SRC: variants seen among roughly 807,000 people sequenced by gnomAD.
The protein encoded by SRC is SRC proto-oncogene, non-receptor tyrosine kinase.
Under a neutral mutation model 62.9 loss-of-function variants are expected in SRC, and 13 were observed. The ratio of observed to expected loss-of-function variants is 0.21; its 90% CI spans 0.13 to 0.33. The LOEUF (loss-of-function observed/expected upper bound fraction) is 0.33, where lower values mean the gene tolerates loss of function less well. SRC is among the 10% of genes least tolerant of loss of function. The pLI, the probability that SRC is intolerant of heterozygous loss-of-function variation, is 1.00. For missense variants in SRC, 457 were observed against 737.3 expected (o/e 0.62, Z 4.40); for synonymous variants, 302 against 317.5 (o/e 0.95, Z 0.52).
Position 37,386,279 on chromosome 20 carries a change from C to T in SRC, c.350+105C>T. The stretch of plus-strand genomic sequence containing the variant: ...CATCAGGGCAGCACAGTGCAGAGCC[C>T]AGGGCAGTGCGAAGCCCAGGGCAGT... On this transcript the variant is annotated intron_variant, in intron 5 of 13. Coordinates refer to ENST00000373578, the MANE Select transcript of SRC (RefSeq NM_198291.3). The T allele has an allele frequency of 2.6e-6, 3 of 1,146,338 alleles. No individual in the cohort carries two copies. The South Asian group carries it at 3.7e-5, about 14-fold the overall frequency. 71.0% of individuals were successfully genotyped at this position (1,146,338 alleles called of 1,614,324 possible).
intron 2 of SRC, among the ~76,000 whole-genome samples, chr20:37,370,990 CTTTT>C (rs200689108): frequency 1.2e-5 from 1 of 84,194 alleles, no homozygotes; most frequent in Non-Finnish European, 2.2e-5. Flanking sequence ...TCTTCTTCTT[CTTTT>C]TTTTTTTTTT....
chr20:37,348,616 T>C (rs2146880852), intron 1 of SRC, among the ~76,000 whole-genome samples: 1 of 152,076 alleles, frequency 6.6e-6, no homozygotes, highest in East Asian at 1.9e-4. Context: ...GAGAGGGAGC[T>C]CTTTTTTCCC....
intron 1 of SRC, among the ~76,000 whole-genome samples, chr20:37,363,503 C>T (rs2070010233): frequency 2.0e-5 from 3 of 152,184 alleles, no homozygotes; most frequent in Non-Finnish European, 4.4e-5. Flanking sequence ...TGGCTGGTAT[C>T]CTGGCTGTCT....
At chr20:37,394,137 G>A (rs1309790274) in intron 6 of SRC, 37 bp from the exon 7 acceptor site, 13 of 1,596,212 alleles carry the variant, frequency 8.1e-6, no homozygotes, top group Non-Finnish European at 8.6e-6. Context: ...GCAGAAGCCT[G>A]GACAGTCAGC....
chr20:37,389,250 A>G lies in SRC; in HGVS notation c.350+3076A>G, dbSNP rs368457610. On this transcript the variant is annotated intron_variant, in intron 5 of 13. Coordinates refer to ENST00000373578, the MANE Select transcript of SRC (RefSeq NM_198291.3). ...CCTCATCTGACATCCTAGTCTCAGG[A>G]GTCAGGGCCCCTCCTGGGTCTGACT... Among the ~76,000 whole-genome samples the G allele has an allele frequency of 3.2e-4, 48 of 152,182 alleles. No individual in the cohort carries two copies. The South Asian group carries it at 1.0e-2, about 32-fold the overall frequency.
chr20:37,385,079 C>T (rs2070432825), intron 4 of SRC, among the ~76,000 whole-genome samples: 1 of 152,230 alleles, frequency 6.6e-6, no homozygotes, highest in Non-Finnish European at 1.5e-5. Flanking sequence ...ACATCCCCAA[C>T]GCAGATGTAC....
At chr20:37,346,570 G>T (rs1461985636) in intron 1 of SRC, among the ~76,000 whole-genome samples, 1 of 151,434 alleles carries the variant, frequency 6.6e-6, no homozygotes, top group Non-Finnish European at 1.5e-5. Flanking sequence ...AGCGAGCTGG[G>T]CCCTAGCCCC....
intron 1 of SRC, among the ~76,000 whole-genome samples, chr20:37,355,215 C>T (rs760995704): frequency 1.3e-5 from 2 of 152,094 alleles, no homozygotes; most frequent in Non-Finnish European, 2.9e-5. Context: ...TTTGAAGCCT[C>T]GGGAGCAGCC....
rs150434121 is a variant in SRC at position 37,401,307 on chromosome 20, A to G, written c.1040-295A>G. 2.6e-3 allele frequency among the ~76,000 whole-genome samples: 400 copies of G among 152,146 alleles called. 3 individuals are homozygous for G. The highest frequency in any genetic ancestry group is 9.3e-3 in the African/African-American group (387 of 41,516). On this transcript the variant is annotated intron_variant, in intron 10 of 13. Transcript: ENST00000373578. ...CAGGAGCCACTGCTCCCGGCCTGAG[A>G]TGCATCCTTGTTGCATCTCCCAGCA...
chr20:37,388,697 T>C (rs1180111850), intron 5 of SRC, among the ~76,000 whole-genome samples: 1 of 151,988 alleles, frequency 6.6e-6, no homozygotes, highest in Non-Finnish European at 1.5e-5. Context: ...CAGTGAGCCA[T>C]GATCGTGCTA....
At position 37,398,853 on chromosome 20, in the gene SRC, G is replaced by A. The variant is rs1467753294; in HGVS notation, c.859+999G>A. Among the ~76,000 whole-genome samples the A allele has an allele frequency of 6.6e-6, 1 of 152,230 alleles. No individual in the cohort carries two copies. Among genetic ancestry groups the A allele is most frequent in the Non-Finnish European group, 1.5e-5 (1 of 68,036 alleles). Reference sequence around the variant, plus strand: ...ACTTCCTCCCTGGGTGCTCCAGGTCGACTCATGAAGTGCCACATGCAGATG... The same window carrying A: ...ACTTCCTCCCTGGGTGCTCCAGGTCAACTCATGAAGTGCCACATGCAGATG... On this transcript the variant is annotated intron_variant, in intron 9 of 13. Transcript: ENST00000373578. The surrounding 1 kb of genome is among the most constrained non-coding windows in gnomAD (Gnocchi z 5.2).
At chr20:37,376,377 C>T (rs2070278792) in intron 2 of SRC, among the ~76,000 whole-genome samples, 2 of 152,230 alleles carry the variant, frequency 1.3e-5, no homozygotes, top group African/African-American at 2.4e-5. Context: ...TGACATCACG[C>T]TTCCTCACAA....
Position 37,400,289 on chromosome 20 carries a change from G to A in SRC, c.1034G>A (p.Ser345Asn), listed in dbSNP as rs763438144. Residue 345 changes from serine (S) to asparagine (N), a missense_variant, in exon 10 of 14, where the codon AGC (serine) becomes AAC (asparagine). Coordinates refer to ENST00000373578, the MANE Select transcript of SRC (RefSeq NM_198291.3). ...ATTTACATCGTCACGGAGTACATGAGCAAGGGTGAGTCCTGGGCGGCCGGG... is the reference window on the plus strand; with the variant it reads ...ATTTACATCGTCACGGAGTACATGAACAAGGGTGAGTCCTGGGCGGCCGGG... ...EPIYIVTEYM[S>N]KGSLLDFLKG... The A allele has an allele frequency of 3.7e-6, 6 of 1,611,250 alleles. No individual in the cohort carries two copies. In the African/African-American group the frequency reaches 4.0e-5, roughly 11 times the overall value.
In SRC at chr20:37,396,339, G is replaced by A. The variant is rs372678766; in HGVS notation, c.703+28G>A. The A allele has an allele frequency of 4.8e-5, 78 of 1,610,224 alleles. No individual in the cohort carries two copies. The highest frequency in any genetic ancestry group is 1.7e-4 in the Middle Eastern group (1 of 6,004). On this transcript the variant is annotated intron_variant, in intron 8 of 13. Coordinates refer to ENST00000373578, the MANE Select transcript of SRC (RefSeq NM_198291.3). This position sits in a 1 kb window ranked among gnomAD's most constrained non-coding sequence, Gnocchi z 6.1. Reference sequence around the variant, plus strand: ...GAGCCAGCCTCGGAGGGCGGAGGGCGGGCGGGCAAAGCCTCAGCTGCAGAC... The same window carrying A: ...GAGCCAGCCTCGGAGGGCGGAGGGCAGGCGGGCAAAGCCTCAGCTGCAGAC...
At chr20:37,371,050 G>A (rs1252316630) in intron 2 of SRC, among the ~76,000 whole-genome samples, 4 of 147,942 alleles carry the variant, frequency 2.7e-5, no homozygotes, top group Non-Finnish European at 4.4e-5. Context: ...GTGCAATGGC[G>A]CCATCTCGGC....
intron 1 of SRC, among the ~76,000 whole-genome samples, chr20:37,356,318 G>T (rs992535700): frequency 5.9e-5 from 9 of 152,232 alleles, no homozygotes; most frequent in Non-Finnish European, 5.9e-5. Flanking sequence ...AATGGGTAGA[G>T]GGCCTGGGGG....
chr20:37,400,320 G>A (rs2070719101), intron 10 of SRC, 26 bp downstream of exon 10: 24 of 1,585,708 alleles, frequency 1.5e-5, no homozygotes, highest in Non-Finnish European at 2.1e-5. Context: ...CCGGGGCAGG[G>A]GGCAGGGGCA....
chr20:37,398,158 AT>A lies in SRC; in HGVS notation c.859+305del, dbSNP rs2070686385. Among the ~76,000 whole-genome samples the A allele has an allele frequency of 6.6e-6, 1 of 152,158 alleles. No homozygotes were observed. Among genetic ancestry groups the A allele is most frequent in the South Asian group, 2.1e-4 (1 of 4,826 alleles). ...AGAGCCTCAGTCTTCCCGACTGTGA[AT>A]GGGGCTGGTGACAGTGGGACCTATG... On this transcript the variant is annotated intron_variant, in intron 9 of 13. Transcript: ENST00000373578. The surrounding 1 kb of genome is among the most constrained non-coding windows in gnomAD (Gnocchi z 5.2).
Position 37,373,281 on chromosome 20 carries a change from CACAT to C in SRC, c.-173+8006_-173+8009del, listed in dbSNP as rs201696090. Among the ~76,000 whole-genome samples, 749 of 147,468 alleles carry C rather than the reference CACAT, an allele frequency of 5.1e-3. 4 individuals are homozygous for C. Among genetic ancestry groups the C allele is most frequent in the South Asian group, 0.016 (73 of 4,652 alleles). On this transcript the variant is annotated intron_variant, in intron 2 of 13. Transcript: ENST00000373578. ...ACATGTACATACGCACACACACACA[CACAT>C]ATTACATATGTACACATGCACACAT... is the stretch of plus-strand genomic sequence containing the variant.
Sources: gnomAD v4.1 joint callset for allele counts (sites outside exome capture counted in the v4.1 genomes callset) on GRCh38, gnomAD v4.1.1 for gene constraint, Gnocchi (gnomAD v3.1) non-coding constraint, MANE v1.5 for transcripts, NCBI Gene and HGNC (gene_info 2026-07-23, HGNC 2026-07-21) for gene names.